The following MTRES1 variants were observed in gnomAD, a reference collection of about 807,000 sequenced individuals.
The protein encoded by MTRES1 is uncharacterized protein C6orf203.
Under a neutral mutation model 17.4 loss-of-function variants are expected in MTRES1, and 11 were observed. The ratio of observed to expected loss-of-function variants is 0.63; its 90% CI spans 0.40 to 1.05. MTRES1 has a LOEUF of 1.05. Among genes scored for constraint, MTRES1 ranks in the 50% least tolerant of loss-of-function variants. The probability of loss-of-function intolerance (pLI) is 0.00; values close to 1 mark genes in which losing one functional copy is unlikely to be tolerated. For synonymous variants in MTRES1, 94 were observed against 99.6 expected, an observed-to-expected ratio of 0.94 and a Z score of 0.34; for missense variants, 268 against 276.2, an observed-to-expected ratio of 0.97 and a Z score of 0.21.
chr6:107,046,451 G>A (rs142088045), intron 3 of MTRES1, among the ~76,000 whole-genome samples: 3 of 152,022 alleles, frequency 2.0e-5, no homozygotes, highest in African/African-American at 7.2e-5. Flanking sequence ...GGTCAGCAAA[G>A]GAAGGGGGCA....
intron 1 of MTRES1, among the ~76,000 whole-genome samples, chr6:107,034,025 CAAT>C (rs1773928312): frequency 6.6e-6 from 1 of 152,144 alleles, no homozygotes; most frequent in Non-Finnish European, 1.5e-5. Flanking sequence ...AAGCTGATCA[CAAT>C]GAGAGGTAGT....
At chr6:107,037,872 C>A (rs2114951199) in intron 1 of MTRES1, among the ~76,000 whole-genome samples, 1 of 152,136 alleles carries the variant, frequency 6.6e-6, no homozygotes, top group Non-Finnish European at 1.5e-5. Context: ...GCGTATGCCA[C>A]CACACCCGGC....
chr6:107,039,960 T>G lies in MTRES1; in HGVS notation c.200T>G (p.Leu67Arg). ...TLFYNIFSLR[L>R]PGLLLSPECI... ...TTTTATAATATTTTCTCACTGAGAC[T>G]CCCAGGGCTTTTACTATCTCCAGAA... The change falls in exon 2 of 4, where the codon CTC becomes CGC. Residue 67 changes from leucine to arginine, a missense_variant. Leu to Arg is a moderately radical substitution (Grantham distance 102, BLOSUM62 -2). Coordinates refer to ENST00000311381, the MANE Select transcript of MTRES1 (RefSeq NM_016487.5). 6.2e-7 allele frequency: 1 copy of G among 1,613,954 alleles called. No homozygotes were observed.
chr6:107,033,701 C>T (rs1773917353), intron 1 of MTRES1, among the ~76,000 whole-genome samples: 1 of 152,084 alleles, frequency 6.6e-6, no homozygotes. Flanking sequence ...GCCTGTACTC[C>T]CAGCTACTTG....
chr6:107,040,174 A>G lies in MTRES1; in HGVS notation c.414A>G (p.Ala138=). 1.2e-6 allele frequency: 2 copies of G among 1,611,068 alleles called. No individual in the cohort carries two copies. The highest frequency in any genetic ancestry group is 8.5e-7 in the Non-Finnish European group (1 of 1,179,338). Residue 138 remains alanine (A), a synonymous_variant, in exon 2 of 4, where the codon GCA becomes GCG. Coordinates refer to ENST00000311381, the MANE Select transcript of MTRES1 (RefSeq NM_016487.5). ...AAAACTATAAAGACCTGGAAAAAGCAGTTCAGTCTTTTCGGTATGATGTTG... is the reference window on the plus strand; with the variant it reads ...AAAACTATAAAGACCTGGAAAAAGCGGTTCAGTCTTTTCGGTATGATGTTG... ...VVKNYKDLEK[A]VQSFRYDVVL... is the part of the protein sequence containing the mutation.
chr6:107,042,545 G>T (rs1393451024), intron 2 of MTRES1, among the ~76,000 whole-genome samples: 2 of 152,034 alleles, frequency 1.3e-5, no homozygotes, highest in African/African-American at 2.4e-5. Flanking sequence ...ATCAAAAAAA[G>T]GTGTACTGAT....
At chr6:107,036,098 T>C (rs1773998503) in intron 1 of MTRES1, among the ~76,000 whole-genome samples, 1 of 152,182 alleles carries the variant, frequency 6.6e-6, no homozygotes, top group Non-Finnish European at 1.5e-5. Context: ...AATTTAAATG[T>C]ATTATTAATG....
At chr6:107,044,471 T>TG in intron 3 of MTRES1, 139 bp downstream of exon 3, 1 of 678,758 alleles carries the variant, frequency 1.5e-6, no homozygotes, top group South Asian at 1.9e-5. Flanking sequence ...GTCAAGCTGG[T>TG]GGGAATCAGC....
At chr6:107,036,723 G>A (rs1379796177) in intron 1 of MTRES1, among the ~76,000 whole-genome samples, 3 of 151,320 alleles carry the variant, frequency 2.0e-5, no homozygotes, top group Admixed American at 1.3e-4. Context: ...GGCACCTGTA[G>A]TCCCAGCTAC....
At chr6:107,037,219 G>A (rs1478747117) in intron 1 of MTRES1, among the ~76,000 whole-genome samples, 1 of 151,886 alleles carries the variant, frequency 6.6e-6, no homozygotes, top group Non-Finnish European at 1.5e-5. Context: ...TCAAGCACCC[G>A]CCACCACACC....
intron 1 of MTRES1, among the ~76,000 whole-genome samples, chr6:107,034,994 AAAG>A (rs782377514): frequency 1.8e-4 from 28 of 152,112 alleles, no homozygotes; most frequent in Admixed American, 3.9e-4. Flanking sequence ...TCTTAAAAAA[AAAG>A]AAGACTTGAC....
At chr6:107,050,077 A>G (rs1250680476) in intron 3 of MTRES1, among the ~76,000 whole-genome samples, 4 of 152,150 alleles carry the variant, frequency 2.6e-5, no homozygotes, top group Non-Finnish European at 5.9e-5. Flanking sequence ...AGCTGCCTGG[A>G]CCCGGTATCT....
At chr6:107,042,832 C>T (rs79017613) in intron 2 of MTRES1, among the ~76,000 whole-genome samples, 17,745 of 152,202 alleles carry the variant, frequency 0.12, 1,543 homozygotes, top group Non-Finnish European at 0.17. Flanking sequence ...ACCCCAGGCC[C>T]CTGTCCAGAA....
rs558525307 is a variant in MTRES1 at position 107,037,878 on chromosome 6, C to G, written c.-12-1871C>G. 2.0e-5 allele frequency among the ~76,000 whole-genome samples: 3 copies of G among 152,094 alleles called. No individual in the cohort carries two copies. The East Asian group carries it at 5.8e-4, about 30-fold the overall frequency. On this transcript the variant is annotated intron_variant, in intron 1 of 3. Transcript: ENST00000311381. ...GGATTATAGGCGTATGCCACCACAC[C>G]CGGCTAATTTTTGTATTTTTAGTAG...
chr6:107,042,662 G>A (rs782541474), intron 2 of MTRES1, among the ~76,000 whole-genome samples: 69 of 152,168 alleles, frequency 4.5e-4, no homozygotes, highest in Non-Finnish European at 1.0e-3. Flanking sequence ...ACTGGCAGAG[G>A]GTTTCTTAAT....
chr6:107,036,717 C>T lies in MTRES1; in HGVS notation c.-12-3032C>T, dbSNP rs1774021763. Among the ~76,000 whole-genome samples, 4 of 151,946 alleles carry T rather than the reference C, an allele frequency of 2.6e-5. No homozygotes were observed. In the South Asian group the frequency reaches 8.3e-4, roughly 32 times the overall value. ...AATTAGTTGGGCGTGGTGGTGGGCA[C>T]CTGTAGTCCCAGCTACTCGGGAGGC... is the stretch of plus-strand genomic sequence containing the variant. On this transcript the variant is annotated intron_variant, in intron 1 of 3. Transcript: ENST00000311381.
intron 1 of MTRES1, among the ~76,000 whole-genome samples, chr6:107,039,391 C>T (rs1167220720): frequency 5.9e-5 from 9 of 152,032 alleles, no homozygotes; most frequent in African/African-American, 2.2e-4. Context: ...GTGATCTCAG[C>T]TCACTGCAAC....
chr6:107,041,188 G>T (rs1774200375), intron 2 of MTRES1, among the ~76,000 whole-genome samples: 1 of 147,128 alleles, frequency 6.8e-6, no homozygotes, highest in Non-Finnish European at 1.5e-5. Context: ...TCACGCCATT[G>T]CACTCCAGCC....
intron 1 of MTRES1, among the ~76,000 whole-genome samples, chr6:107,036,759 C>A (rs368309018): frequency 2.0e-5 from 3 of 149,638 alleles, no homozygotes; most frequent in African/African-American, 7.4e-5. Flanking sequence ...AGGAGAATGG[C>A]GAATGGCGTG....
Sources: allele counts gnomAD v4.1 joint callset (sites outside exome capture counted in the v4.1 genomes callset), GRCh38; gene constraint gnomAD v4.1.1; transcripts MANE v1.5; gene names NCBI Gene and HGNC (gene_info 2026-07-23, HGNC 2026-07-21).